TTC39A: variants seen among roughly 807,000 people sequenced by gnomAD.
The protein encoded by TTC39A is tetratricopeptide repeat domain 39A.
TTC39A carries 46 observed loss-of-function variants against 82.3 expected under a neutral mutation model. That is an observed-to-expected ratio of 0.56 (90% confidence interval 0.44 to 0.71). TTC39A has a LOEUF of 0.71. Among genes scored for constraint, TTC39A ranks in the 30% least tolerant of loss-of-function variants. The probability of loss-of-function intolerance (pLI) is 0.00; values close to 1 mark genes in which losing one functional copy is unlikely to be tolerated. For missense variants in TTC39A, 543 were observed against 712.9 expected (o/e 0.76, Z 2.71); for synonymous variants, 254 against 275.2 (o/e 0.92, Z 0.76).
At chr1:51,289,399 A>G (rs1430005602) in intron 16 of TTC39A, among the ~76,000 whole-genome samples, 5 of 151,938 alleles carry the variant, frequency 3.3e-5, no homozygotes, top group Non-Finnish European at 7.4e-5. Flanking sequence ...TTCATCTTCA[A>G]TCTTTTCTCT....
chr1:51,322,022 A>AG (rs1304612522), intron 1 of TTC39A, 197 bp from the exon 2 acceptor site: 1 of 1,476,388 alleles, frequency 6.8e-7, no homozygotes, highest in Admixed American at 2.1e-5. Flanking sequence ...CAAGGGTGGG[A>AG]GGGGGAGCAG....
Position 51,330,365 on chromosome 1 carries a change from GCGGCGCCCGCCAC to G in TTC39A, c.41+59_41+71del. On this transcript the variant is annotated intron_variant, in intron 1 of 17. Coordinates refer to ENST00000680483, the MANE Select transcript of TTC39A (RefSeq NM_001297663.2). This position sits in a 1 kb window ranked among gnomAD's most constrained non-coding sequence, Gnocchi z 4.5. Reference sequence around the variant, plus strand: ...GCCGGTGCGCGGGGGGAGGCCTGGCGCGGCGCCCGCCACCTGCCCGGGCCCCAGCCCGCGCCGC... The same window carrying G: ...GCCGGTGCGCGGGGGGAGGCCTGGCGCTGCCCGGGCCCCAGCCCGCGCCGC... 1.1e-6 allele frequency: 1 copy of G among 942,140 alleles called. No individual in the cohort carries two copies. Among genetic ancestry groups the G allele is most frequent in the Non-Finnish European group, 1.3e-6 (1 of 792,954 alleles). 58.4% of individuals were successfully genotyped at this position (942,140 alleles called of 1,614,324 possible).
chr1:51,342,735 C>T (rs919361347), intron 1 of TTC39A, among the ~76,000 whole-genome samples: 1 of 152,180 alleles, frequency 6.6e-6, no homozygotes, highest in Non-Finnish European at 1.5e-5. Context: ...CAGCAAGTTC[C>T]AGCTGAAGCA....
chr1:51,324,462 C>T (rs923598687), intron 1 of TTC39A, among the ~76,000 whole-genome samples: 2 of 152,160 alleles, frequency 1.3e-5, no homozygotes, highest in Non-Finnish European at 1.5e-5. Context: ...TCTCTCTTCA[C>T]GCTTGGCTGG....
At chr1:51,311,403 C>T (rs1248657493) in intron 4 of TTC39A, 82 bp from the exon 5 acceptor site, 2 of 1,338,366 alleles carry the variant, frequency 1.5e-6, no homozygotes, top group African/African-American at 2.9e-5. Flanking sequence ...CCCCAACTTC[C>T]CCAAAAGCAA....
intron 1 of TTC39A, chr1:51,342,930 A>C: frequency 2.4e-6 from 1 of 418,488 alleles, no homozygotes; most frequent in South Asian, 1.6e-5. Flanking sequence ...CCCATACCCC[A>C]GCATCTCTCT....
chr1:51,307,894 C>T (rs1644933186), intron 6 of TTC39A, among the ~76,000 whole-genome samples: 2 of 152,254 alleles, frequency 1.3e-5, no homozygotes, highest in Admixed American at 6.5e-5. Flanking sequence ...CAACTATCCC[C>T]AATATCCATC....
rs574000123 is a variant in TTC39A, at chr1:51,296,267, A to G, written c.1054-97T>C. On this transcript the variant is annotated intron_variant, in intron 12 of 17. Coordinates refer to ENST00000680483, the MANE Select transcript of TTC39A (RefSeq NM_001297663.2). ...CGGACCTCACGTGGCCCAGCACAGG[A>G]GCTCCCGTTGTCTCCAAGCCCCAGG... The G allele has an allele frequency of 2.5e-6, 3 of 1,183,910 alleles. No individual in the cohort carries two copies. In the South Asian group the frequency reaches 3.9e-5, roughly 15 times the overall value. 73.3% of individuals were successfully genotyped at this position (1,183,910 alleles called of 1,614,324 possible).
Position 51,294,333 on chromosome 1 carries a change from A to G in TTC39A, c.1266+58T>C. ...CCACCTCCCCCTGGCTGTGGCTCTC[A>G]GTGAATCCCCACAATCCTATACCCG... On this transcript the variant is annotated intron_variant, in intron 14 of 17. Transcript: ENST00000680483. The surrounding 1 kb of genome is among the most constrained non-coding windows in gnomAD (Gnocchi z 4.3). The G allele has an allele frequency of 1.2e-6, 2 of 1,607,732 alleles. No individual in the cohort carries two copies. Among genetic ancestry groups the G allele is most frequent in the Non-Finnish European group, 8.5e-7 (1 of 1,175,332 alleles).
chr1:51,288,219 G>C lies in TTC39A; in HGVS notation c.1672C>G (p.Leu558Val). The change falls in exon 18 of 18, where the codon CTC (leucine) becomes GTC (valine). Residue 558 changes from leucine to valine, a missense_variant. Transcript: ENST00000680483. The surrounding 1 kb of genome is among the most constrained non-coding windows in gnomAD (Gnocchi z 4.8). The stretch of plus-strand genomic sequence containing the variant: ...TTCTCTAGGGAAGACTTGGCTTGGA[G>C]TGTGGCTGCCTGGATTCGAAAGTGT... ...RTHFRIQAAT[L>V]QAKSSLENSS... The C allele has an allele frequency of 6.2e-7, 1 of 1,614,084 alleles. No individual in the cohort carries two copies. The highest frequency in any genetic ancestry group is 8.5e-7 in the Non-Finnish European group (1 of 1,179,910).
At chr1:51,320,734 T>A (rs191635061) in intron 2 of TTC39A, among the ~76,000 whole-genome samples, 1 of 152,064 alleles carries the variant, frequency 6.6e-6, no homozygotes, top group Admixed American at 6.5e-5. Context: ...ATTATAGTCA[T>A]GAGCCACCAC....
intron 1 of TTC39A, among the ~76,000 whole-genome samples, chr1:51,326,188 C>G (rs886809082): frequency 1.3e-5 from 2 of 152,180 alleles, no homozygotes; most frequent in Admixed American, 6.5e-5. Context: ...ATGGGAATCA[C>G]TGGGGGCCAA....
At chr1:51,311,473 T>C (rs1193781348) in intron 4 of TTC39A, among the ~76,000 whole-genome samples, 152 bp from the exon 5 acceptor site, 1 of 152,196 alleles carries the variant, frequency 6.6e-6, no homozygotes, top group South Asian at 2.1e-4. Context: ...CTTCAGAGCA[T>C]TCGTCACTGT....
At chr1:51,323,191 G>T (rs1380350919) in intron 1 of TTC39A, among the ~76,000 whole-genome samples, 1 of 152,044 alleles carries the variant, frequency 6.6e-6, no homozygotes, top group Non-Finnish European at 1.5e-5. Context: ...CCAAAAATCT[G>T]ATAATCATCT....
Position 51,312,133 on chromosome 1 carries a change from C to G in TTC39A, c.341G>C (p.Gly114Ala). 6.2e-7 allele frequency: 1 copy of G among 1,611,278 alleles called. No homozygotes were observed. The highest frequency in any genetic ancestry group is 1.7e-4 in the Middle Eastern group (1 of 5,902). ...GGATGCCACACCTTCAGTGAATTGG[C>G]CCAGCGTGGGGCGGTTCACCAGGCT... ...FSSLVNRPTL[G>A]QFTEEEIHAE... The change falls in exon 4 of 18, where the codon GGC becomes GCC. Residue 114 changes from glycine (G) to alanine (A), a missense_variant. Physicochemically the swap from Gly to Ala is moderately conservative, Grantham distance 60 (BLOSUM62 0). Transcript: ENST00000680483.
In TTC39A at chr1:51,287,423, C is replaced by T. The variant is rs1644034266; in HGVS notation, c.*734G>A. 1.3e-5 allele frequency: 2 copies of T among 152,212 alleles called. No individual in the cohort carries two copies. The highest frequency in any genetic ancestry group is 1.5e-5 in the Non-Finnish European group (1 of 68,044). The allele number at this position is 152,212 out of a possible 1,614,324, so 9.4% of individuals were successfully genotyped here. On this transcript the variant is annotated 3_prime_UTR_variant, in exon 18 of 18. Transcript: ENST00000680483. The stretch of plus-strand genomic sequence containing the variant: ...AACCTCCTCCTGCCCCCCAAATTTC[C>T]TGGCTTTGGCATAGAAAGGGCTACA...
At chr1:51,309,435 G>A (rs1305858784) in intron 5 of TTC39A, 110 bp from the exon 6 acceptor site, 21 of 1,578,032 alleles carry the variant, frequency 1.3e-5, no homozygotes, top group Non-Finnish European at 1.8e-5. Context: ...GGAACCCTGG[G>A]GGGATGAGGT....
Position 51,330,092 on chromosome 1 carries a change from C to G in TTC39A, c.41+345G>C, listed in dbSNP as rs950481413. 3.1e-6 allele frequency: 3 copies of G among 967,998 alleles called. No homozygotes were observed. The highest frequency in any genetic ancestry group is 3.5e-5 in the African/African-American group (2 of 56,834). 60.0% of individuals were successfully genotyped at this position (967,998 alleles called of 1,614,324 possible). On this transcript the variant is annotated intron_variant, in intron 1 of 17. Transcript: ENST00000680483. The surrounding 1 kb of genome is among the most constrained non-coding windows in gnomAD (Gnocchi z 4.5). The stretch of plus-strand genomic sequence containing the variant: ...AAGTGCTGTGTCTCAGTTTCCTCAT[C>G]TGTAATGGGGATGAGAGTAACAGGG...
chr1:51,342,950 C>T (rs1392420581), intron 1 of TTC39A: 3 of 431,670 alleles, frequency 6.9e-6, no homozygotes, highest in South Asian at 1.6e-5. Context: ...TCCTGGACCA[C>T]CACGCCAGCC....
Sources: allele counts gnomAD v4.1 joint callset (sites outside exome capture counted in the v4.1 genomes callset), GRCh38; gene constraint gnomAD v4.1.1; non-coding constraint Gnocchi (gnomAD v3.1); transcripts MANE v1.5; gene names NCBI Gene and HGNC (gene_info 2026-07-23, HGNC 2026-07-21).